GMDS: variants seen among roughly 807,000 people sequenced by gnomAD.
GMDS encodes GDP-mannose 4,6-dehydratase.
Under a neutral mutation model 49.9 loss-of-function variants are expected in GMDS, and 20 were observed. The ratio of observed to expected loss-of-function variants is 0.40; its 90% confidence interval spans 0.28 to 0.58. The LOEUF is 0.58. Ranked by LOEUF, GMDS falls within the 20% of genes least tolerant of loss-of-function variation. GMDS has a pLI of 0.42. For synonymous variants in GMDS, 177 were observed against 178.6 expected (o/e 0.99, Z 0.07); for missense variants, 362 against 481.4 (o/e 0.75, Z 2.32).
chr6:1,816,478 A>G (rs1374488035), intron 7 of GMDS, among the ~76,000 whole-genome samples: 2 of 152,160 alleles, frequency 1.3e-5, no homozygotes, highest in East Asian at 3.9e-4. Context: ...ACCACCATTA[A>G]TTCGATTTAT....
At chr6:1,813,213 CTCTG>C (rs1268549188) in intron 7 of GMDS, among the ~76,000 whole-genome samples, 28 of 106,790 alleles carry the variant, frequency 2.6e-4, no homozygotes, top group African/African-American at 8.0e-4. Flanking sequence ...CAGAGCAAGA[CTCTG>C]TCTCTTAAAA....
intron 4 of GMDS, among the ~76,000 whole-genome samples, chr6:1,971,196 T>C (rs192423816): frequency 1.4e-4 from 22 of 152,284 alleles, no homozygotes; most frequent in Admixed American, 7.2e-4. Context: ...CAGTGGGCAC[T>C]GGGGAGCCAG....
At chr6:2,104,650 A>C (rs994167236) in intron 4 of GMDS, among the ~76,000 whole-genome samples, 1 of 152,206 alleles carries the variant, frequency 6.6e-6, no homozygotes, top group Non-Finnish European at 1.5e-5. Flanking sequence ...TCTGTGAAGC[A>C]AATTTATAAA....
chr6:1,972,278 T>TA (rs1764662765), intron 4 of GMDS, among the ~76,000 whole-genome samples: 1 of 150,178 alleles, frequency 6.7e-6, no homozygotes, highest in African/African-American at 2.5e-5. Flanking sequence ...TTTTTTTTTT[T>TA]AGAAAATCTT....
At chr6:2,111,070 A>T (rs2127495554) in intron 4 of GMDS, among the ~76,000 whole-genome samples, 1 of 152,344 alleles carries the variant, frequency 6.6e-6, no homozygotes, top group Non-Finnish European at 1.5e-5. Flanking sequence ...CACCAACACC[A>T]CTACTTTGAA....
At chr6:1,928,917 C>T (rs1041119461) in intron 7 of GMDS, among the ~76,000 whole-genome samples, 5 of 151,902 alleles carry the variant, frequency 3.3e-5, no homozygotes, top group African/African-American at 9.7e-5. Flanking sequence ...TGTAGTGAGG[C>T]GAAATCATGC....
intron 6 of GMDS, 46 bp downstream of exon 6, chr6:1,959,821 G>A: frequency 9.0e-7 from 1 of 1,115,856 alleles, no homozygotes; most frequent in Non-Finnish European, 1.3e-6. Flanking sequence ...ACTTGTTGTT[G>A]TTGTTCAAGT....
chr6:1,758,095 C>T (rs959528609), intron 7 of GMDS, among the ~76,000 whole-genome samples: 1 of 152,172 alleles, frequency 6.6e-6, no homozygotes, highest in Non-Finnish European at 1.5e-5. Flanking sequence ...GGCTACAGAG[C>T]CAGCCTTATG....
intron 1 of GMDS, among the ~76,000 whole-genome samples, chr6:2,175,043 T>A (rs1238080817): frequency 6.6e-6 from 1 of 152,090 alleles, no homozygotes; most frequent in Non-Finnish European, 1.5e-5. Context: ...AACTATCTCA[T>A]CATCTGAAGG....
chr6:1,893,606 G>A (rs1581317402), intron 7 of GMDS, among the ~76,000 whole-genome samples: 1 of 152,144 alleles, frequency 6.6e-6, no homozygotes, highest in Non-Finnish European at 1.5e-5. Context: ...CCAGTGAAAC[G>A]TTTTTGCCAT....
chr6:2,153,828 G>A (rs1776968070), intron 1 of GMDS, among the ~76,000 whole-genome samples: 1 of 152,114 alleles, frequency 6.6e-6, no homozygotes, highest in South Asian at 2.1e-4. Flanking sequence ...TTATATACAT[G>A]TGCAAGAACA....
At chr6:1,890,279 G>A (rs1759809910) in intron 7 of GMDS, among the ~76,000 whole-genome samples, 1 of 152,238 alleles carries the variant, frequency 6.6e-6, no homozygotes, top group Non-Finnish European at 1.5e-5. Flanking sequence ...TGGGGGTGAA[G>A]TGGTATTTCC....
intron 9 of GMDS, among the ~76,000 whole-genome samples, chr6:1,708,158 C>T (rs369578053): frequency 2.9e-4 from 44 of 152,292 alleles, no homozygotes; most frequent in African/African-American, 1.1e-3. Context: ...TCCTGGGGCT[C>T]TGAGGGCCAT....
At chr6:2,049,049 G>A (rs1027213748) in intron 4 of GMDS, among the ~76,000 whole-genome samples, 2 of 152,104 alleles carry the variant, frequency 1.3e-5, no homozygotes, top group African/African-American at 2.4e-5. Flanking sequence ...CTGCCACATG[G>A]GGACACGACA....
At chr6:2,162,116 T>C (rs1025333097) in intron 1 of GMDS, among the ~76,000 whole-genome samples, 2 of 152,206 alleles carry the variant, frequency 1.3e-5, no homozygotes, top group African/African-American at 4.8e-5. Flanking sequence ...GACAAAAATC[T>C]CTTGAGACTA....
chr6:1,655,988 G>A (rs1045850266), intron 9 of GMDS, among the ~76,000 whole-genome samples: 1 of 152,180 alleles, frequency 6.6e-6, no homozygotes, highest in Non-Finnish European at 1.5e-5. Flanking sequence ...CATACATGTG[G>A]AGGCTGAGGC....
chr6:2,100,755 G>A (rs1356058703), intron 4 of GMDS, among the ~76,000 whole-genome samples: 1 of 151,990 alleles, frequency 6.6e-6, no homozygotes, highest in East Asian at 1.9e-4. Context: ...TACACAAAAT[G>A]TCATGTGCTA....
intron 4 of GMDS, among the ~76,000 whole-genome samples, chr6:1,999,061 C>A (rs2325757): frequency 6.6e-6 from 1 of 152,060 alleles, no homozygotes. Flanking sequence ...CGGTGGCTCA[C>A]GCCTGTAATC....
chr6:2,173,286 G>C (rs1338568113), intron 1 of GMDS, among the ~76,000 whole-genome samples: 2 of 152,268 alleles, frequency 1.3e-5, no homozygotes, highest in East Asian at 3.9e-4. Context: ...AAGAGCAGGA[G>C]GGTAGAAATG....
Sources: gnomAD v4.1 joint callset for allele counts (sites outside exome capture counted in the v4.1 genomes callset) on GRCh38, gnomAD v4.1.1 for gene constraint, MANE v1.5 for transcripts, NCBI Gene and HGNC (gene_info 2026-07-23, HGNC 2026-07-21) for gene names.